Variants in GRID1 observed in about 807,000 individuals in gnomAD.
The protein encoded by GRID1 is glutamate receptor ionotropic, delta-1.
GRID1 carries 28 observed loss-of-function variants against 98.0 expected under a neutral mutation model. The observed-to-expected ratio is 0.29, with a 90% CI of 0.21 to 0.39. GRID1 has a LOEUF of 0.39. Ranked by LOEUF, GRID1 falls within the 10% of genes least tolerant of loss-of-function variation. The pLI is 1.00. For synonymous variants in GRID1, 553 were observed against 538.5 expected (o/e 1.03, Z -0.37); for missense variants, 1,111 against 1,340.5 (o/e 0.83, Z 2.67).
At chr10:85,835,905 G>C (rs1842908081) in intron 8 of GRID1, among the ~76,000 whole-genome samples, 1 of 152,094 alleles carries the variant, frequency 6.6e-6, no homozygotes, top group Non-Finnish European at 1.5e-5. Context: ...TAAACATGTG[G>C]AAAGTAACAA....
At chr10:85,805,262 T>C (rs1287282491) in intron 8 of GRID1, among the ~76,000 whole-genome samples, 1 of 151,620 alleles carries the variant, frequency 6.6e-6, no homozygotes, top group Non-Finnish European at 1.5e-5. Flanking sequence ...TGAAACAGTG[T>C]ACAAAACATA....
chr10:85,687,567 C>T (rs1233476884), intron 12 of GRID1, among the ~76,000 whole-genome samples: 1 of 151,934 alleles, frequency 6.6e-6, no homozygotes, highest in East Asian at 1.9e-4. Flanking sequence ...GAGATTGAGG[C>T]TGCAATGAGC....
intron 8 of GRID1, among the ~76,000 whole-genome samples, chr10:85,834,474 G>A (rs1467670864): frequency 2.0e-5 from 3 of 152,000 alleles, no homozygotes; most frequent in Non-Finnish European, 2.9e-5. Flanking sequence ...CATTTACTAA[G>A]CAAAAAGAAA....
At chr10:86,293,572 C>T (rs1487506925) in intron 2 of GRID1, among the ~76,000 whole-genome samples, 1 of 152,170 alleles carries the variant, frequency 6.6e-6, no homozygotes, top group East Asian at 1.9e-4. Context: ...AACCCCAAAC[C>T]AATCCTCAGA....
intron 4 of GRID1, among the ~76,000 whole-genome samples, chr10:85,928,271 C>T (rs1162958461): frequency 6.6e-6 from 1 of 152,134 alleles, no homozygotes. Context: ...CCAGCCTGGG[C>T]AATATAGCAA....
At chr10:85,810,327 G>A (rs752542407) in intron 8 of GRID1, among the ~76,000 whole-genome samples, 29 of 152,208 alleles carry the variant, frequency 1.9e-4, no homozygotes, top group Non-Finnish European at 4.0e-4. Context: ...CTGGGCCCAG[G>A]AATGGCCCTT....
At chr10:86,204,902 G>GA (rs145482697) in intron 3 of GRID1, among the ~76,000 whole-genome samples, 4,747 of 151,478 alleles carry the variant, frequency 0.031, 127 homozygotes, top group African/African-American at 0.059. Flanking sequence ...GGTTCTCGGG[G>GA]AAGGCCTGGC....
chr10:85,664,456 C>T (rs1271433900), intron 12 of GRID1, among the ~76,000 whole-genome samples: 1 of 152,172 alleles, frequency 6.6e-6, no homozygotes, highest in South Asian at 2.1e-4. Flanking sequence ...ACATCTCAGA[C>T]TTTTCCATCT....
chr10:85,782,648 A>G (rs1057165963), intron 8 of GRID1, among the ~76,000 whole-genome samples: 1 of 152,232 alleles, frequency 6.6e-6, no homozygotes, highest in African/African-American at 2.4e-5. Context: ...AATGAGTATC[A>G]GGGGAAGGGC....
intron 2 of GRID1, among the ~76,000 whole-genome samples, chr10:86,250,921 AG>A (rs1846817657): frequency 6.6e-6 from 1 of 152,264 alleles, no homozygotes; most frequent in Non-Finnish European, 1.5e-5. Flanking sequence ...ATGTGGGGAA[AG>A]GAAGGAGAGA....
intron 4 of GRID1, among the ~76,000 whole-genome samples, chr10:85,954,824 A>G (rs938327840): frequency 3.9e-5 from 6 of 152,164 alleles, no homozygotes; most frequent in African/African-American, 9.6e-5. Context: ...CTTGTGATCT[A>G]GAAGAAGTCA....
At chr10:85,686,652 T>G (rs1285338472) in intron 12 of GRID1, among the ~76,000 whole-genome samples, 1 of 152,120 alleles carries the variant, frequency 6.6e-6, no homozygotes, top group East Asian at 1.9e-4. Flanking sequence ...AGTAAGATGA[T>G]ACATATATTA....
intron 8 of GRID1, among the ~76,000 whole-genome samples, chr10:85,765,802 G>A (rs1027447199): frequency 2.0e-5 from 3 of 152,186 alleles, no homozygotes; most frequent in African/African-American, 7.2e-5. Flanking sequence ...TCAGACCACT[G>A]TTCCACCCAA....
chr10:85,725,878 T>C (rs1841755364), intron 10 of GRID1, among the ~76,000 whole-genome samples: 1 of 152,224 alleles, frequency 6.6e-6, no homozygotes, highest in Non-Finnish European at 1.5e-5. Flanking sequence ...CACTGGCATC[T>C]CTGGTTCTTG....
intron 4 of GRID1, among the ~76,000 whole-genome samples, chr10:85,944,020 C>T (rs1842026003): frequency 6.6e-6 from 1 of 152,244 alleles, no homozygotes; most frequent in African/African-American, 2.4e-5. Context: ...AGCCTGTGAA[C>T]AGTCTCTGTC....
At chr10:86,251,382 T>C (rs1846829169) in intron 2 of GRID1, among the ~76,000 whole-genome samples, 1 of 150,004 alleles carries the variant, frequency 6.7e-6, no homozygotes, top group Non-Finnish European at 1.5e-5. Context: ...AAAAATTGCA[T>C]GTATTTTTAT....
chr10:86,366,274 GC>G lies in GRID1; in HGVS notation c.79+39del. The G allele has an allele frequency of 4.2e-6, 6 of 1,419,042 alleles. No homozygotes were observed. Among genetic ancestry groups the G allele is most frequent in the South Asian group, 1.3e-5 (1 of 77,552 alleles). The allele number at this position is 1,419,042 out of a possible 1,614,324, so 87.9% of individuals were successfully genotyped here. ...GCCGCGCACCCCCTGCCCCGTTGGG[GC>G]CCCCGCCCAGCCTCGGCCCGGCCTC... is the stretch of plus-strand genomic sequence containing the variant. On this transcript the variant is annotated intron_variant, in intron 1 of 15. Coordinates refer to ENST00000327946, the MANE Select transcript of GRID1 (RefSeq NM_017551.3). This position sits in a 1 kb window ranked among gnomAD's most constrained non-coding sequence, Gnocchi z 4.1.
intron 4 of GRID1, among the ~76,000 whole-genome samples, chr10:86,043,246 C>A (rs758436952): frequency 2.6e-5 from 4 of 152,214 alleles, no homozygotes; most frequent in Non-Finnish European, 4.4e-5. Flanking sequence ...TCTCCCGGAA[C>A]TCTCCTCTCT....
chr10:86,083,022 TGCTCA>T, intron 4 of GRID1, among the ~76,000 whole-genome samples: 1 of 152,194 alleles, frequency 6.6e-6, no homozygotes, highest in Non-Finnish European at 1.5e-5. Flanking sequence ...GATGTCACAT[TGCTCA>T]TCTTTGTCAC....
Sources: allele counts gnomAD v4.1 joint callset (sites outside exome capture counted in the v4.1 genomes callset), GRCh38; gene constraint gnomAD v4.1.1; non-coding constraint Gnocchi (gnomAD v3.1); transcripts MANE v1.5; gene names NCBI Gene and HGNC (gene_info 2026-07-23, HGNC 2026-07-21).